The following PDZRN3 variants were observed in gnomAD, a reference collection of about 807,000 sequenced individuals.
PDZRN3 encodes the protein E3 ubiquitin-protein ligase PDZRN3.
In PDZRN3, 38 loss-of-function variants were observed where a neutral mutation model predicts 85.7. The ratio of observed to expected loss-of-function variants is 0.44; its 90% CI spans 0.34 to 0.58. The LOEUF is 0.58. Among genes scored for constraint, PDZRN3 ranks in the 20% least tolerant of loss-of-function variants. The pLI is 0.01. For missense variants in PDZRN3, 1,629 were observed against 1,506.4 expected (o/e 1.08, Z -1.35); for synonymous variants, 759 against 638.0 (o/e 1.19, Z -2.86).
At chr3:73,463,362 C>T (rs1703146793) in intron 3 of PDZRN3, among the ~76,000 whole-genome samples, 2 of 152,202 alleles carry the variant, frequency 1.3e-5, no homozygotes, top group African/African-American at 4.8e-5. Context: ...TGACTGGAGA[C>T]ACTAGTAGCA....
intron 3 of PDZRN3, among the ~76,000 whole-genome samples, chr3:73,517,824 C>T (rs1286980636): frequency 2.0e-5 from 3 of 152,176 alleles, no homozygotes; most frequent in African/African-American, 7.2e-5. Context: ...AAACAGCTGA[C>T]CTCACATGCA....
In PDZRN3 at chr3:73,540,552, C is replaced by T. The variant is rs185034457; in HGVS notation, c.918+61802G>A. ...AATCATGGGGGCGGTTACCCTCATGCTGCTGTTCTTGTGATAGTGAATGAG... is the reference window on the plus strand; with the variant it reads ...AATCATGGGGGCGGTTACCCTCATGTTGCTGTTCTTGTGATAGTGAATGAG... On this transcript the variant is annotated intron_variant, in intron 3 of 9. Transcript: ENST00000263666. 3.6e-3 allele frequency among the ~76,000 whole-genome samples: 547 copies of T among 152,238 alleles called. 4 individuals carry two copies. The highest frequency in any genetic ancestry group is 5.2e-3 in the Non-Finnish European group (351 of 68,020).
In PDZRN3 at chr3:73,382,496, C is replaced by CAAAT. The variant is rs970244911; in HGVS notation, c.*865_*868dup. On this transcript the variant is annotated 3_prime_UTR_variant, in exon 10 of 10. Transcript: ENST00000263666. ...AATGAGGAATCACATCAAAACATAT[C>CAAAT]AAATAGAAAATAATAATTTATTTTA... 2.0e-5 allele frequency: 3 copies of CAAAT among 152,568 alleles called. No individual in the cohort carries two copies. The highest frequency in any genetic ancestry group is 7.2e-5 in the African/African-American group (3 of 41,434). 9.5% of individuals were successfully genotyped at this position (152,568 alleles called of 1,614,324 possible).
At chr3:73,537,436 T>G (rs771981009) in intron 3 of PDZRN3, among the ~76,000 whole-genome samples, 2 of 152,174 alleles carry the variant, frequency 1.3e-5, no homozygotes, top group Non-Finnish European at 2.9e-5. Context: ...TTTGCTTTAT[T>G]TGACCAGGTG....
At chr3:73,453,421 A>AAC (rs1702911814) in intron 3 of PDZRN3, among the ~76,000 whole-genome samples, 1 of 52,824 alleles carries the variant, frequency 1.9e-5, no homozygotes, top group Non-Finnish European at 4.5e-5. Flanking sequence ...AAAAAAAAAA[A>AAC]AACAAAAAAA....
In PDZRN3 at chr3:73,387,967, C is replaced by A. The variant is rs866699967; in HGVS notation, c.1518+1G>T. 1 of 1,471,492 alleles carries A rather than the reference C, an allele frequency of 6.8e-7. No individual in the cohort carries two copies. The highest frequency in any genetic ancestry group is 9.4e-7 in the Non-Finnish European group (1 of 1,062,198). The allele number at this position is 1,471,492 out of a possible 1,614,324, so 91.2% of individuals were successfully genotyped here. A position where few individuals can be genotyped will look rare whatever the true frequency, so the allele number is the denominator to read the frequency against. On this transcript the variant is annotated splice_donor_variant, in intron 8 of 9. Transcript: ENST00000263666. LOFTEE classifies it high-confidence loss of function. ...GTTTCATCTGTAGGAAGCCAATTTA[C>A]CTGGAGTTCAGGCCTTGCAATCAGC... is the stretch of plus-strand genomic sequence containing the variant.
chr3:73,486,490 A>C (rs371911256), intron 3 of PDZRN3, among the ~76,000 whole-genome samples: 73 of 152,222 alleles, frequency 4.8e-4, no homozygotes, highest in African/African-American at 1.7e-3. Context: ...AAAGCCATGC[A>C]TTTGTTCAAT....
chr3:73,445,255 G>C (rs968548479), intron 3 of PDZRN3, among the ~76,000 whole-genome samples: 1 of 152,144 alleles, frequency 6.6e-6, no homozygotes, highest in African/African-American at 2.4e-5. Context: ...ACATGCCCTC[G>C]TAGTAGATGG....
chr3:73,507,145 G>A (rs942104251), intron 3 of PDZRN3, among the ~76,000 whole-genome samples: 4 of 150,548 alleles, frequency 2.7e-5, no homozygotes, highest in African/African-American at 9.8e-5. Flanking sequence ...AAACATTTAT[G>A]CACACATATA....
chr3:73,464,154 T>G (rs1234389609), intron 3 of PDZRN3, among the ~76,000 whole-genome samples: 3 of 152,026 alleles, frequency 2.0e-5, no homozygotes, highest in Non-Finnish European at 4.4e-5. Context: ...CCCAGCTATT[T>G]TTTTGTATTT....
intron 3 of PDZRN3, among the ~76,000 whole-genome samples, chr3:73,419,777 C>T (rs1702162999): frequency 6.6e-6 from 1 of 152,150 alleles, no homozygotes; most frequent in African/African-American, 2.4e-5. Context: ...TAATTGCTAT[C>T]GCAGGCTTGG....
In PDZRN3 at chr3:73,383,639, T is replaced by C; in HGVS notation, c.2927A>G (p.Glu976Gly). Residue 976 changes from glutamate to glycine, a missense_variant, in exon 10 of 10, where the codon GAG becomes GGG. Transcript: ENST00000263666. Reference sequence around the variant, plus strand: ...CTTCACCAGGTGCTGCTTCCTCTCCTCCTTGCTCCAGTAGCGCCCCATCTT... The same window carrying C: ...CTTCACCAGGTGCTGCTTCCTCTCCCCCTTGCTCCAGTAGCGCCCCATCTT... The part of the protein sequence containing the change: ...EMKMGRYWSK[E>G]ERKQHLVKAK... The C allele has an allele frequency of 6.2e-7, 1 of 1,613,544 alleles. No individual in the cohort carries two copies. Among genetic ancestry groups the C allele is most frequent in the Non-Finnish European group, 8.5e-7 (1 of 1,180,024 alleles).
intron 3 of PDZRN3, among the ~76,000 whole-genome samples, chr3:73,566,642 GTGCATAAATCCCAAT>G (rs1701954972): frequency 1.3e-5 from 2 of 152,090 alleles, no homozygotes; most frequent in Admixed American, 1.3e-4. Flanking sequence ...CTCAGAGAAA[GTGCATAAATCCCAAT>G]TGGTCCAAGC....
intron 3 of PDZRN3, among the ~76,000 whole-genome samples, chr3:73,443,589 T>C (rs1656503697): frequency 6.7e-6 from 1 of 148,914 alleles, no homozygotes; most frequent in African/African-American, 2.5e-5. Context: ...GGGCTCAAGC[T>C]ATCCTCCTGC....
intron 3 of PDZRN3, among the ~76,000 whole-genome samples, chr3:73,546,549 C>T (rs949878966): frequency 6.6e-6 from 1 of 152,204 alleles, no homozygotes; most frequent in East Asian, 1.9e-4. Flanking sequence ...TCAATACAAG[C>T]TTTTTTGTAA....
intron 3 of PDZRN3, among the ~76,000 whole-genome samples, chr3:73,541,423 A>C (rs569959414): frequency 6.6e-6 from 1 of 152,220 alleles, no homozygotes; most frequent in Non-Finnish European, 1.5e-5. Flanking sequence ...AACCCACATA[A>C]GCCTATGAGT....
chr3:73,383,644 G>A lies in PDZRN3; in HGVS notation c.2922C>T (p.Ser974=), dbSNP rs887116403. Residue 974 remains serine (S), a synonymous_variant, in exon 10 of 10, where the codon AGC becomes AGT. Coordinates refer to ENST00000263666, the MANE Select transcript of PDZRN3 (RefSeq NM_015009.3). ...VSEMKMGRYW[S]KEERKQHLVK... is the part of the protein sequence containing the mutation. ...CCAGGTGCTGCTTCCTCTCCTCCTT[G>A]CTCCAGTAGCGCCCCATCTTCATCT... 5 of 1,613,128 alleles carry A rather than the reference G, an allele frequency of 3.1e-6. No homozygotes were observed. In the African/African-American group the frequency reaches 5.3e-5, roughly 17 times the overall value.
chr3:73,500,070 C>A (rs887848650), intron 3 of PDZRN3, among the ~76,000 whole-genome samples: 1 of 152,146 alleles, frequency 6.6e-6, no homozygotes, highest in South Asian at 2.1e-4. Flanking sequence ...TTTCCCCCAC[C>A]TTCTAGACAG....
At chr3:73,404,425 G>T in intron 3 of PDZRN3, 30 bp from the exon 4 acceptor site, 1 of 1,592,840 alleles carries the variant, frequency 6.3e-7, no homozygotes, top group Non-Finnish European at 8.6e-7. Context: ...GTGGGACAAG[G>T]TTAGAATAAA....
Sources: gnomAD v4.1 joint callset for allele counts (sites outside exome capture counted in the v4.1 genomes callset) on GRCh38, gnomAD v4.1.1 for gene constraint, MANE v1.5 for transcripts, NCBI Gene and HGNC (gene_info 2026-07-23, HGNC 2026-07-21) for gene names.